The following CLPTM1L variants were observed in gnomAD, a reference collection of about 807,000 sequenced individuals.
The protein encoded by CLPTM1L is lipid scramblase CLPTM1L.
Under a neutral mutation model 70.9 loss-of-function variants are expected in CLPTM1L, and 38 were observed. The ratio of observed to expected loss-of-function variants is 0.54; its 90% CI spans 0.41 to 0.70. The LOEUF is 0.70. CLPTM1L is among the 30% of genes least tolerant of loss of function. The pLI, the probability that CLPTM1L is intolerant of heterozygous loss-of-function variation, is 0.00. For synonymous variants in CLPTM1L, 339 were observed against 299.9 expected (o/e 1.13, Z -1.35); for missense variants, 652 against 705.9 (o/e 0.92, Z 0.87).
rs778075538 is a variant in CLPTM1L at position 1,325,824 on chromosome 5, G to A, written c.1081-8C>T. On this transcript the variant is annotated splice_region_variant and splice_polypyrimidine_tract_variant and intron_variant, in intron 9 of 16. Coordinates refer to ENST00000320895, the MANE Select transcript of CLPTM1L (RefSeq NM_030782.5). ...CTTCTTCACTTTCCACAGCTGAGGG[G>A]AGAAATCAGGAAATAGTTCCTTTAA... 87 of 1,612,982 alleles carry A rather than the reference G, an allele frequency of 5.4e-5. No individual in the cohort carries two copies. In the East Asian group the frequency reaches 1.2e-3, roughly 23 times the overall value.
At chr5:1,326,293 G>A (rs148759334) in intron 9 of CLPTM1L, 4,537 of 251,642 alleles carry the variant, frequency 0.018, 66 homozygotes, top group Middle Eastern at 0.024. Context: ...GAGCTCCAGC[G>A]TCATTTCATC....
At chr5:1,325,673 C>T in intron 10 of CLPTM1L, 78 bp downstream of exon 10, 1 of 1,197,092 alleles carries the variant, frequency 8.4e-7, no homozygotes, top group African/African-American at 1.5e-5. Context: ...TGCAGATGGC[C>T]ATCTTACTCT....
In CLPTM1L at chr5:1,344,751, C is replaced by T. The variant is rs1487963944; in HGVS notation, c.91G>A (p.Val31Ile). 1.2e-6 allele frequency: 2 copies of T among 1,603,608 alleles called. No individual in the cohort carries two copies. Among genetic ancestry groups the T allele is most frequent in the Admixed American group, 1.7e-5 (1 of 59,324 alleles). ...TCGCCGGAGCACGGGCGGGTGTAGA[C>T]GATGCCGTACATGACCCAGCAGGTG... ...VHTCWVMYGIVYTRPCSGDAN... is the reference protein window; with the variant it reads ...VHTCWVMYGIIYTRPCSGDAN... The change falls in exon 1 of 17, where the codon GTC (valine) becomes ATC (isoleucine). Residue 31 changes from valine to isoleucine, a missense_variant. Coordinates refer to ENST00000320895, the MANE Select transcript of CLPTM1L (RefSeq NM_030782.5).
At position 1,318,251 on chromosome 5, in the gene CLPTM1L, TG is replaced by T. The variant is rs1751945090; in HGVS notation, c.*117del. On this transcript the variant is annotated 3_prime_UTR_variant, in exon 17 of 17. Transcript: ENST00000320895. The surrounding 1 kb of genome is among the most constrained non-coding windows in gnomAD (Gnocchi z 8.9). ...GGGAACTTGGGAGATGTCTGAGAAATGTCCGAAGGGATTTTGGCAACACAGA... is the reference window on the plus strand; with the variant it reads ...GGGAACTTGGGAGATGTCTGAGAAATTCCGAAGGGATTTTGGCAACACAGA... 2.6e-6 allele frequency: 2 copies of T among 771,404 alleles called. No homozygotes were observed. The highest frequency in any genetic ancestry group is 4.3e-6 in the Non-Finnish European group (2 of 463,212). The allele number at this position is 771,404 out of a possible 1,614,324, so 47.8% of individuals were successfully genotyped here.
chr5:1,326,940 TCATCCAGCTCCTCCTCTACGGACACATTC>T (rs1561234468), intron 9 of CLPTM1L, among the ~76,000 whole-genome samples: 7 of 118,858 alleles, frequency 5.9e-5, no homozygotes, highest in Non-Finnish European at 1.1e-4. Context: ...CGGACACATT[TCATCCAGCTCCTCCTCTACGGACACATTC>T]CATCCAGCTC....
chr5:1,328,353 C>CA (rs1305752121), intron 9 of CLPTM1L, among the ~76,000 whole-genome samples: 1 of 139,836 alleles, frequency 7.2e-6, no homozygotes, highest in African/African-American at 2.9e-5. Context: ...TCCTCCTCTA[C>CA]GGACACATTT....
At position 1,318,494 on chromosome 5, in the gene CLPTM1L, A is replaced by C; in HGVS notation, c.1533-41T>G. Reference sequence around the variant, plus strand: ...TGAGCACATCAGCAAACCCCACTGCAGGGGCTATTTTTCTAAGAGGAGGAC... The same window carrying C: ...TGAGCACATCAGCAAACCCCACTGCCGGGGCTATTTTTCTAAGAGGAGGAC... On this transcript the variant is annotated intron_variant, in intron 16 of 16. Transcript: ENST00000320895. The surrounding 1 kb of genome is among the most constrained non-coding windows in gnomAD (Gnocchi z 8.9). The C allele has an allele frequency of 6.6e-7, 1 of 1,521,426 alleles. No homozygotes were observed. The highest frequency in any genetic ancestry group is 9.1e-7 in the Non-Finnish European group (1 of 1,099,406). The allele number at this position is 1,521,426 out of a possible 1,614,324, so 94.2% of individuals were successfully genotyped here. A position where few individuals can be genotyped will look rare whatever the true frequency, so the allele number is the denominator to read the frequency against.
intron 9 of CLPTM1L, among the ~76,000 whole-genome samples, chr5:1,327,610 T>C (rs1267759500): frequency 2.4e-4 from 36 of 148,218 alleles, no homozygotes; most frequent in African/African-American, 4.5e-4. Context: ...ACACATTTCA[T>C]CCAGCTCCTC....
intron 7 of CLPTM1L, among the ~76,000 whole-genome samples, chr5:1,333,705 T>C (rs1464909111): frequency 1.3e-4 from 6 of 44,512 alleles, no homozygotes; most frequent in African/African-American, 1.9e-4. Context: ...CGCAAGAGGA[T>C]AAGGGGGGAC....
rs1186803024 is a variant in CLPTM1L at position 1,338,928 on chromosome 5, G to A, written c.531C>T (p.Asn177=). The A allele has an allele frequency of 3.7e-6, 6 of 1,613,248 alleles. No individual in the cohort carries two copies. The highest frequency in any genetic ancestry group is 4.5e-5 in the East Asian group (2 of 44,902). ...CAAAGACAAAGTTGTCCGCCATCAC[G>A]TTCAGCGCCAGCCGCGGTCGCCAGT... is the stretch of plus-strand genomic sequence containing the variant. ...VSHWRPRLAL[N]VMADNFVFDG... is the part of the protein sequence containing the mutation. The change falls in exon 4 of 17, where the codon AAC becomes AAT. Residue 177 remains asparagine, a synonymous_variant. Transcript: ENST00000320895.
chr5:1,343,292 T>TA (rs1754063530), intron 2 of CLPTM1L, among the ~76,000 whole-genome samples: 1 of 152,044 alleles, frequency 6.6e-6, no homozygotes, highest in Admixed American at 6.6e-5. Flanking sequence ...CAGGACATCT[T>TA]AAGTGTCTCT....
At chr5:1,331,450 G>A (rs1441113584) in intron 8 of CLPTM1L, 5 of 352,588 alleles carry the variant, frequency 1.4e-5, no homozygotes, top group Admixed American at 8.0e-5. Context: ...GGGATGTGAG[G>A]CCCCAGCCCT....
At position 1,344,728 on chromosome 5, in the gene CLPTM1L, G is replaced by C. The variant is rs76174234; in HGVS notation, c.114C>G (p.Gly38=). 4 of 1,596,900 alleles carry C rather than the reference G, an allele frequency of 2.5e-6. No individual in the cohort carries two copies. Among genetic ancestry groups the C allele is most frequent in the Admixed American group, 3.4e-5 (2 of 58,522 alleles). ...GGTAGGGCTGGATGCAGTTGGCGTC[G>C]CCGGAGCACGGGCGGGTGTAGACGA... ...YGIVYTRPCS[G]DANCIQPYLA... is the part of the protein sequence containing the mutation. The change falls in exon 1 of 17, where the codon GGC becomes GGG. Residue 38 remains glycine (G), a synonymous_variant. Transcript: ENST00000320895.
chr5:1,338,169 C>T (rs565798420), intron 4 of CLPTM1L, 187 bp from the exon 5 acceptor site: 38 of 613,266 alleles, frequency 6.2e-5, no homozygotes, highest in South Asian at 5.2e-4. Context: ...AACATATGCA[C>T]GCTTGTGAGA....
At position 1,318,511 on chromosome 5, in the gene CLPTM1L, G is replaced by A. The variant is rs1218568423; in HGVS notation, c.1533-58C>T. On this transcript the variant is annotated intron_variant, in intron 16 of 16. Coordinates refer to ENST00000320895, the MANE Select transcript of CLPTM1L (RefSeq NM_030782.5). The surrounding 1 kb of genome is among the most constrained non-coding windows in gnomAD (Gnocchi z 8.9). ...CCCACTGCAGGGGCTATTTTTCTAA[G>A]AGGAGGACTTGGCATCCTCGATTTA... is the stretch of plus-strand genomic sequence containing the variant. 13 of 1,401,824 alleles carry A rather than the reference G, an allele frequency of 9.3e-6. No individual in the cohort carries two copies. The Admixed American group carries it at 1.4e-4, about 15-fold the overall frequency. The allele number at this position is 1,401,824 out of a possible 1,614,324, so 86.8% of individuals were successfully genotyped here.
chr5:1,321,460 CTCT>C (rs1054731797), intron 15 of CLPTM1L, among the ~76,000 whole-genome samples, 172 bp downstream of exon 15: 2 of 152,200 alleles, frequency 1.3e-5, no homozygotes, highest in African/African-American at 2.4e-5. Context: ...TCTGAAGTTA[CTCT>C]ATAGCTCTTC....
chr5:1,326,009 G>T (rs1752511683), intron 9 of CLPTM1L, 193 bp from the exon 10 acceptor site: 2 of 576,252 alleles, frequency 3.5e-6, no homozygotes, highest in Admixed American at 3.0e-5. Context: ...CACACGGCAG[G>T]CGTACCTGGT....
At chr5:1,322,758 G>T in intron 13 of CLPTM1L, 119 bp downstream of exon 13, 2 of 1,001,858 alleles carry the variant, frequency 2.0e-6, no homozygotes, top group Non-Finnish European at 3.2e-6. Flanking sequence ...AGAACAGGGT[G>T]GGGAGGGATT....
intron 9 of CLPTM1L, among the ~76,000 whole-genome samples, chr5:1,327,639 CCCAGCTCCTCCTCTACAGACACATTTCAT>C (rs1752704328): frequency 3.6e-5 from 3 of 82,564 alleles, no homozygotes; most frequent in East Asian, 4.1e-4. Flanking sequence ...ACACATTCCA[CCCAGCTCCTCCTCTACAGACACATTTCAT>C]CCAGCTCCTC....
Sources: gnomAD v4.1 joint callset for allele counts (sites outside exome capture counted in the v4.1 genomes callset) on GRCh38, gnomAD v4.1.1 for gene constraint, Gnocchi (gnomAD v3.1) non-coding constraint, MANE v1.5 for transcripts, NCBI Gene and HGNC (gene_info 2026-07-23, HGNC 2026-07-21) for gene names.